Variants in SHBG observed in about 807,000 individuals in gnomAD.
SHBG encodes sex hormone-binding globulin.
SHBG carries 37 observed loss-of-function variants against 41.9 expected under a neutral mutation model. The observed-to-expected ratio is 0.88, with a 90% CI of 0.68 to 1.16. The LOEUF (loss-of-function observed/expected upper bound fraction) is 1.16, where lower values mean the gene tolerates loss of function less well. SHBG is among the 50% of genes most tolerant of loss of function. The pLI is 0.00. For missense variants in SHBG, 466 were observed against 499.9 expected (o/e 0.93, Z 0.65); for synonymous variants, 217 against 205.8 (o/e 1.05, Z -0.47).
chr17:7,627,736 G>T, upstream of SHBG: 1 of 1,384,538 alleles, frequency 7.2e-7, no homozygotes, highest in Non-Finnish European at 1.0e-6. The surrounding 1 kb of genome is among the most constrained non-coding windows in gnomAD (Gnocchi z 4.8). Context: ...GCCTGAGAGA[G>T]CGGGGTGGCG....
chr17:7,625,306 T>C (rs2541012), upstream of SHBG, among the ~76,000 whole-genome samples: 71,848 of 150,312 alleles, frequency 0.48, 18,158 homozygotes, highest in South Asian at 0.64. Context: ...AGGCCAGGCG[T>C]GGTGGCTCAC....
At chr17:7,629,352 T>C (rs1487267945), upstream of SHBG, among the ~76,000 whole-genome samples, 1 of 151,324 alleles carries the variant, frequency 6.6e-6, no homozygotes, top group African/African-American at 2.4e-5. Flanking sequence ...CACTCCAGCC[T>C]GGGTGATAGA....
At chr17:7,629,495 C>T (rs901443783), upstream of SHBG, among the ~76,000 whole-genome samples, 10 of 152,056 alleles carry the variant, frequency 6.6e-5, no homozygotes, top group South Asian at 4.2e-4. Flanking sequence ...AACTGAGAGG[C>T]GGGGGGCAGG....
rs374511039 is a variant in SHBG at position 7,632,774 on chromosome 17, C to G, written c.875C>G (p.Ser292Trp). The G allele has an allele frequency of 6.2e-7, 1 of 1,613,734 alleles. No individual in the cohort carries two copies. Among genetic ancestry groups the G allele is most frequent in the Non-Finnish European group, 8.5e-7 (1 of 1,179,882 alleles). ...QDQKVVLSSG[S>W]GPGLDLPLVL... ...CAGAAGGTGGTGTTGTCTTCTGGGT[C>G]GGGGCCAGGGCTGGATCTGCCCCTG... Residue 292 changes from serine to tryptophan, a missense_variant, in exon 7 of 8, where the codon TCG (serine) becomes TGG (tryptophan). Transcript: ENST00000380450.
upstream of SHBG, chr17:7,626,810 G>C: frequency 6.2e-7 from 1 of 1,613,962 alleles, no homozygotes; most frequent in Admixed American, 1.7e-5. Context: ...TGGAGAGAAA[G>C]AGGCAAAAAA....
At chr17:7,616,627 C>T (rs971680143) in intron 1 of SHBG, among the ~76,000 whole-genome samples, 1 of 144,690 alleles carries the variant, frequency 6.9e-6, no homozygotes, top group East Asian at 2.1e-4. Context: ...TCCATCTCAA[C>T]AACAACAACA....
At chr17:7,619,175 G>A (rs973339513) in intron 1 of SHBG, among the ~76,000 whole-genome samples, 1 of 152,006 alleles carries the variant, frequency 6.6e-6, no homozygotes, top group African/African-American at 2.4e-5. Context: ...CAGATCACCT[G>A]AGGTCAGGAG....
upstream of SHBG, among the ~76,000 whole-genome samples, chr17:7,623,259 C>T (rs188878784): frequency 2.0e-5 from 3 of 152,160 alleles, no homozygotes; most frequent in East Asian, 1.9e-4. Flanking sequence ...GGCGTAGTGG[C>T]GCATGCCTGT....
rs770459741 is a variant in SHBG, at chr17:7,630,777, C to T, written c.301C>T (p.Arg101Ter). The T allele has an allele frequency of 5.6e-6, 9 of 1,613,988 alleles. No individual in the cohort carries two copies. Among genetic ancestry groups the T allele is most frequent in the South Asian group, 2.2e-5 (2 of 91,078 alleles). ...GGATGACTGGTTTATGCTGGGACTT[C>T]GAGACGGCAGGCCTGAGATCCAACT... ...PKDDWFMLGL[R>*]DGRPEIQLHN... Residue 101 changes from arginine to a stop codon, truncating the protein, a stop_gained, in exon 3 of 8, where the codon CGA becomes TGA. Transcript: ENST00000380450. LOFTEE classifies it high-confidence loss of function. The surrounding 1 kb of genome is among the most constrained non-coding windows in gnomAD (Gnocchi z 4.6).
intron 1 of SHBG, among the ~76,000 whole-genome samples, chr17:7,621,032 G>GTTGCA (rs993878359): frequency 1.4e-4 from 19 of 134,188 alleles, no homozygotes; most frequent in African/African-American, 5.3e-4. Flanking sequence ...GGAGGTCAAG[G>GTTGCA]TTGCAGTGAG....
intron 1 of SHBG, among the ~76,000 whole-genome samples, chr17:7,619,056 T>C (rs1021598039): frequency 6.6e-6 from 1 of 152,154 alleles, no homozygotes; most frequent in African/African-American, 2.4e-5. Flanking sequence ...GAATTGTAAC[T>C]ATCCACATGG....
chr17:7,630,842 A>C lies in SHBG; in HGVS notation c.366A>C (p.Pro122=), dbSNP rs773107642. The C allele has an allele frequency of 6.8e-6, 11 of 1,613,622 alleles. No individual in the cohort carries two copies. The South Asian group carries it at 1.2e-4, about 18-fold the overall frequency. ...CCCAGCTTACGGTGGGTGCTGGACCACGGCTGGATGATGGGAGATGGCACC... is the reference window on the plus strand; with the variant it reads ...CCCAGCTTACGGTGGGTGCTGGACCCCGGCTGGATGATGGGAGATGGCACC... ...HWAQLTVGAG[P]RLDDGRWHQV... Residue 122 remains proline (P), a synonymous_variant, in exon 3 of 8, where the codon CCA becomes CCC. Coordinates refer to ENST00000380450, the MANE Select transcript of SHBG (RefSeq NM_001040.5). This position sits in a 1 kb window ranked among gnomAD's most constrained non-coding sequence, Gnocchi z 4.6.
In SHBG at chr17:7,630,789, C is replaced by A. The variant is rs372962973; in HGVS notation, c.313C>A (p.Pro105Thr). The change falls in exon 3 of 8, where the codon CCT (proline) becomes ACT (threonine). Residue 105 changes from proline (P) to threonine (T), a missense_variant. Transcript: ENST00000380450. The surrounding 1 kb of genome is among the most constrained non-coding windows in gnomAD (Gnocchi z 4.6). ...WFMLGLRDGR[P>T]EIQLHNHWAQ... ...TATGCTGGGACTTCGAGACGGCAGG[C>A]CTGAGATCCAACTGCACAATCACTG... The A allele has an allele frequency of 1.2e-6, 2 of 1,614,002 alleles. No homozygotes were observed. The highest frequency in any genetic ancestry group is 1.1e-5 in the South Asian group (1 of 91,072).
chr17:7,627,746 G>T, upstream of SHBG: 1 of 1,259,258 alleles, frequency 7.9e-7, no homozygotes, highest in Non-Finnish European at 1.1e-6. This position sits in a 1 kb window ranked among gnomAD's most constrained non-coding sequence, Gnocchi z 4.8. Flanking sequence ...GCGGGGTGGC[G>T]GGAGTCGGGG....
upstream of SHBG, chr17:7,626,235 C>A (rs2072202280): frequency 3.7e-6 from 2 of 537,378 alleles, no homozygotes; most frequent in East Asian, 6.3e-5. Flanking sequence ...AACACCACAT[C>A]AGGACATGTA....
At chr17:7,624,140 C>T (rs538877007), upstream of SHBG, among the ~76,000 whole-genome samples, 6 of 152,140 alleles carry the variant, frequency 3.9e-5, no homozygotes, top group East Asian at 1.2e-3. Context: ...TTAGTAGAAA[C>T]AGGGTTTCAC....
At chr17:7,627,740 G>A (rs1206357100), upstream of SHBG, 1 of 1,360,160 alleles carries the variant, frequency 7.4e-7, no homozygotes. This position sits in a 1 kb window ranked among gnomAD's most constrained non-coding sequence, Gnocchi z 4.8. Flanking sequence ...GAGAGAGCGG[G>A]GTGGCGGGAG....
upstream of SHBG, chr17:7,627,787 T>C: frequency 1.2e-6 from 1 of 849,352 alleles, no homozygotes; most frequent in Non-Finnish European, 2.0e-6. The surrounding 1 kb of genome is among the most constrained non-coding windows in gnomAD (Gnocchi z 4.8). Context: ...GCCTGGTAAG[T>C]GGAGCTGGGA....
At position 7,621,478 on chromosome 17, in the gene SHBG, G is replaced by A. The variant is rs1414082399; in HGVS notation, c.-62+7367G>A. On this transcript the variant is annotated intron_variant, in intron 1 of 5. Transcript: ENST00000570547. Reference sequence around the variant, plus strand: ...TAGCTGGGCGTGGTGGTGCACGCCTGTAATCCCAGCTACTCAAGAGGTTGA... The same window carrying A: ...TAGCTGGGCGTGGTGGTGCACGCCTATAATCCCAGCTACTCAAGAGGTTGA... Among the ~76,000 whole-genome samples the A allele has an allele frequency of 3.6e-5, 5 of 138,798 alleles. 1 individual carries two copies. Among genetic ancestry groups the A allele is most frequent in the Non-Finnish European group, 7.9e-5 (5 of 63,132 alleles). 91.1% of individuals were successfully genotyped at this position (138,798 alleles called of 152,430 possible).
Sources: gnomAD v4.1 joint callset for allele counts (sites outside exome capture counted in the v4.1 genomes callset) on GRCh38, gnomAD v4.1.1 for gene constraint, Gnocchi (gnomAD v3.1) non-coding constraint, MANE v1.5 for transcripts, NCBI Gene and HGNC (gene_info 2026-07-23, HGNC 2026-07-21) for gene names.